Variants in PTPRE observed in about 807,000 individuals in gnomAD.
The protein encoded by PTPRE is receptor-type tyrosine-protein phosphatase epsilon.
A neutral mutation model predicts 102.0 loss-of-function variants in PTPRE; 51 were observed. That is an observed-to-expected ratio of 0.50 (90% CI 0.40 to 0.63). The LOEUF is 0.63. PTPRE is among the 30% of genes least tolerant of loss of function. The pLI is 0.00. For synonymous variants in PTPRE, 345 were observed against 348.2 expected (o/e 0.99, Z 0.10); for missense variants, 752 against 915.1 (o/e 0.82, Z 2.30).
At chr10:128,057,187 A>C (rs1849051878) in intron 7 of PTPRE, among the ~76,000 whole-genome samples, 1 of 151,624 alleles carries the variant, frequency 6.6e-6, no homozygotes, top group Non-Finnish European at 1.5e-5. Context: ...ATTGCACTCC[A>C]GCCTGGGGAA....
intron 6 of PTPRE, among the ~76,000 whole-genome samples, chr10:128,053,366 T>G (rs549809125): frequency 6.6e-6 from 1 of 152,354 alleles, no homozygotes; most frequent in East Asian, 1.9e-4. Context: ...CAATATTTAT[T>G]GGCCAGTTAC....
intron 1 of PTPRE, among the ~76,000 whole-genome samples, chr10:127,933,431 C>G (rs1193620770): frequency 6.6e-6 from 1 of 152,200 alleles, no homozygotes; most frequent in Non-Finnish European, 1.5e-5. Flanking sequence ...TAGGAATACT[C>G]TTTACATAAA....
intron 2 of PTPRE, among the ~76,000 whole-genome samples, chr10:127,983,761 A>G (rs1156442996): frequency 6.6e-6 from 1 of 151,982 alleles, no homozygotes; most frequent in Non-Finnish European, 1.5e-5. Context: ...TCCGCACCCC[A>G]TTTTGCCTTC....
intron 1 of PTPRE, among the ~76,000 whole-genome samples, chr10:127,958,972 C>G (rs35033190): frequency 0.017 from 2,495 of 149,598 alleles, 24 homozygotes; most frequent in Non-Finnish European, 0.026. Context: ...TCTCAGCTCA[C>G]TACAACCTCC....
intron 2 of PTPRE, among the ~76,000 whole-genome samples, chr10:128,013,877 G>A (rs1187250127): frequency 6.6e-6 from 1 of 152,182 alleles, no homozygotes; most frequent in Non-Finnish European, 1.5e-5. Flanking sequence ...TGTAGAGGGA[G>A]TTTCCCGAAG....
chr10:128,011,917 C>T (rs1258438390), intron 2 of PTPRE, among the ~76,000 whole-genome samples: 5 of 152,222 alleles, frequency 3.3e-5, no homozygotes, highest in Admixed American at 3.3e-4. Flanking sequence ...GTGTCCTCAC[C>T]CATCCTAAGG....
At chr10:127,991,958 A>G (rs753544775) in intron 2 of PTPRE, among the ~76,000 whole-genome samples, 3 of 152,276 alleles carry the variant, frequency 2.0e-5, no homozygotes, top group South Asian at 2.1e-4. Flanking sequence ...AGGCCGCCCT[A>G]TCTTTACAGT....
At chr10:128,071,791 T>G in intron 15 of PTPRE, 2 of 202,320 alleles carry the variant, frequency 9.9e-6, no homozygotes, top group East Asian at 3.0e-4. Flanking sequence ...TGGCCCTTGG[T>G]TTTCTGGGGC....
chr10:128,039,577 G>A (rs1847500446), intron 2 of PTPRE, among the ~76,000 whole-genome samples: 1 of 152,180 alleles, frequency 6.6e-6, no homozygotes, highest in Non-Finnish European at 1.5e-5. Flanking sequence ...CTTAATAGTG[G>A]TGATTACTGA....
At chr10:127,930,573 T>C (rs1275785193) in intron 1 of PTPRE, among the ~76,000 whole-genome samples, 1 of 152,218 alleles carries the variant, frequency 6.6e-6, no homozygotes, top group Non-Finnish European at 1.5e-5. Flanking sequence ...AAAATGGCTA[T>C]AACATGTGCA....
chr10:127,968,995 GACA>G (rs1850481211), intron 1 of PTPRE, among the ~76,000 whole-genome samples: 1 of 152,206 alleles, frequency 6.6e-6, no homozygotes, highest in Non-Finnish European at 1.5e-5. Flanking sequence ...TACATTCTAA[GACA>G]ACTTTATTTT....
chr10:128,059,723 C>T (rs1484745777), intron 7 of PTPRE, among the ~76,000 whole-genome samples: 1 of 152,186 alleles, frequency 6.6e-6, no homozygotes, highest in Admixed American at 6.5e-5. Flanking sequence ...AGGCCCACAG[C>T]ACTTTTAGAA....
Position 128,063,148 on chromosome 10 carries a change from G to A in PTPRE, c.691G>A (p.Val231Ile), listed in dbSNP as rs367833771. 54 of 1,614,082 alleles carry A rather than the reference G, an allele frequency of 3.3e-5. No homozygotes were observed. The highest frequency in any genetic ancestry group is 3.9e-5 in the Non-Finnish European group (46 of 1,180,052). ...MVWEQKSATIVMLTNLKERKE... is the reference protein window; with the variant it reads ...MVWEQKSATIIMLTNLKERKE... ...CTGGGAGCAAAAGTCTGCGACCATC[G>A]TCATGTTAACAAACTTGAAAGAAAG... Residue 231 changes from valine to isoleucine, a missense_variant, in exon 10 of 21, where the codon GTC (valine) becomes ATC (isoleucine). Around this residue, in one of 2 missense-constraint regions of PTPRE, gnomAD observed 636 missense variants for 824.4 expected, o/e 0.77. Coordinates refer to ENST00000254667, the MANE Select transcript of PTPRE (RefSeq NM_006504.6).
chr10:128,053,818 T>C (rs915350565), intron 6 of PTPRE, among the ~76,000 whole-genome samples: 6 of 152,160 alleles, frequency 3.9e-5, no homozygotes, highest in Non-Finnish European at 5.9e-5. Flanking sequence ...TGGAGTGCAG[T>C]GGTGAAATCT....
chr10:127,926,957 G>A (rs1847065835), intron 1 of PTPRE, among the ~76,000 whole-genome samples: 1 of 151,698 alleles, frequency 6.6e-6, no homozygotes, highest in East Asian at 1.9e-4. Context: ...GATTACAGGT[G>A]TGCACCACCA....
intron 7 of PTPRE, 73 bp from the exon 8 acceptor site, chr10:128,060,866 T>C: frequency 6.9e-7 from 1 of 1,456,226 alleles, no homozygotes; most frequent in Non-Finnish European, 9.6e-7. Context: ...GAGACAGCAC[T>C]GTGATTTCTG....
At chr10:128,053,565 G>C (rs143771008) in intron 6 of PTPRE, among the ~76,000 whole-genome samples, 1 of 152,130 alleles carries the variant, frequency 6.6e-6, no homozygotes, top group South Asian at 2.1e-4. Context: ...GGATACATAC[G>C]TGTGCGGTGC....
chr10:128,050,482 T>C (rs983844342), intron 6 of PTPRE, among the ~76,000 whole-genome samples: 1 of 152,040 alleles, frequency 6.6e-6, no homozygotes, highest in African/African-American at 2.4e-5. Context: ...GATGGATGGA[T>C]GGATGGATGG....
At chr10:127,959,969 G>A (rs527271487) in intron 1 of PTPRE, among the ~76,000 whole-genome samples, 3 of 152,204 alleles carry the variant, frequency 2.0e-5, no homozygotes, top group South Asian at 4.1e-4. Context: ...GAGATGTGAC[G>A]ATATCAAAGC....
Sources: allele counts gnomAD v4.1 joint callset (sites outside exome capture counted in the v4.1 genomes callset), GRCh38; gene constraint gnomAD v4.1.1; regional missense constraint gnomAD v4.1.1; transcripts MANE v1.5; gene names NCBI Gene and HGNC (gene_info 2026-07-23, HGNC 2026-07-21).